PIK3CA: variants seen among roughly 807,000 people sequenced by gnomAD.
The protein encoded by PIK3CA is phosphatidylinositol-4,5-bisphosphate 3-kinase catalytic subunit alpha.
PIK3CA carries 27 observed loss-of-function variants against 138.2 expected under a neutral mutation model. That is an observed-to-expected ratio of 0.20 (90% CI 0.14 to 0.27). PIK3CA has a LOEUF of 0.27. Ranked by LOEUF, PIK3CA falls within the 10% of genes least tolerant of loss-of-function variation. The probability of loss-of-function intolerance (pLI) is 1.00; values close to 1 mark genes in which losing one functional copy is unlikely to be tolerated. For missense variants in PIK3CA, 544 were observed against 1,277.4 expected (o/e 0.43, Z 8.75); for synonymous variants, 358 against 413.2 (o/e 0.87, Z 1.62).
chr3:179,160,589 T>C (rs1307069501), intron 1 of PIK3CA, among the ~76,000 whole-genome samples: 1 of 152,238 alleles, frequency 6.6e-6, no homozygotes, highest in Non-Finnish European at 1.5e-5. Context: ...AACAAGAAAC[T>C]GTCATGTATT....
intron 15 of PIK3CA, 79 bp from the exon 16 acceptor site, chr3:179,224,621 A>T: frequency 1.1e-6 from 1 of 934,862 alleles, no homozygotes; most frequent in Non-Finnish European, 1.6e-6. Context: ...GCTATATTGT[A>T]TTTATATTTT....
At chr3:179,170,109 A>G (rs1175849543) in intron 1 of PIK3CA, among the ~76,000 whole-genome samples, 2 of 150,976 alleles carry the variant, frequency 1.3e-5, no homozygotes, top group Non-Finnish European at 2.9e-5. Context: ...CGACCTTAGT[A>G]AAATAGGGAT....
chr3:179,185,093 A>G (rs1218266583), intron 1 of PIK3CA, among the ~76,000 whole-genome samples: 11 of 152,214 alleles, frequency 7.2e-5, no homozygotes, highest in African/African-American at 2.4e-4. Flanking sequence ...ACTCTCACCC[A>G]TAGTAGTGGA....
intron 3 of PIK3CA, among the ~76,000 whole-genome samples, chr3:179,200,744 G>C (rs949958170): frequency 6.6e-6 from 1 of 152,038 alleles, no homozygotes; most frequent in African/African-American, 2.4e-5. Context: ...TTGTCTTCCC[G>C]TTTTCTTCAT....
intron 1 of PIK3CA, among the ~76,000 whole-genome samples, chr3:179,185,993 G>A (rs1462091052): frequency 1.3e-5 from 2 of 152,190 alleles, no homozygotes; most frequent in Non-Finnish European, 2.9e-5. Flanking sequence ...TCTCCTCTGA[G>A]GAGGTGGGTA....
chr3:179,232,806 C>A (rs1725242860), intron 20 of PIK3CA, among the ~76,000 whole-genome samples: 1 of 151,974 alleles, frequency 6.6e-6, no homozygotes. Context: ...TTTGTGTACA[C>A]TGATTTTGTA....
chr3:179,154,864 G>C (rs1337469712), intron 1 of PIK3CA, among the ~76,000 whole-genome samples: 1 of 152,112 alleles, frequency 6.6e-6, no homozygotes, highest in African/African-American at 2.4e-5. Context: ...ATTTATAAGA[G>C]GTTGTGTTTT....
rs537204875 is a variant in PIK3CA at position 179,239,311 on chromosome 3, T to G, written c.*4947T>G. On this transcript the variant is annotated 3_prime_UTR_variant, in exon 21 of 21. Coordinates refer to ENST00000263967, the MANE Select transcript of PIK3CA (RefSeq NM_006218.4). Reference sequence around the variant, plus strand: ...TAAGAACCATGTATACTTTTAGGTATTCTTATTTTTGTCAATTTTTCTAGG... The same window carrying G: ...TAAGAACCATGTATACTTTTAGGTAGTCTTATTTTTGTCAATTTTTCTAGG... 1 of 203,094 alleles carries G rather than the reference T, an allele frequency of 4.9e-6. No individual in the cohort carries two copies. The highest frequency in any genetic ancestry group is 7.5e-5 in the East Asian group (1 of 13,252). 12.6% of individuals were successfully genotyped at this position (203,094 alleles called of 1,614,324 possible).
intron 1 of PIK3CA, among the ~76,000 whole-genome samples, chr3:179,162,799 C>T (rs1723317976): frequency 6.6e-6 from 1 of 151,662 alleles, no homozygotes; most frequent in African/African-American, 2.4e-5. Context: ...ATGGGAAGTC[C>T]AGCAATTACA....
chr3:179,229,242 T>G (rs1725155852), intron 17 of PIK3CA, 30 bp from the exon 18 acceptor site: 1 of 1,560,414 alleles, frequency 6.4e-7, no homozygotes. Context: ...ATTCCATCAT[T>G]TAATTGTAAA....
intron 1 of PIK3CA, among the ~76,000 whole-genome samples, chr3:179,175,169 G>A (rs1227557648): frequency 1.3e-5 from 2 of 152,070 alleles, no homozygotes; most frequent in African/African-American, 4.8e-5. Context: ...TTATCCTCTC[G>A]TGGCATCTTG....
At chr3:179,185,457 A>G (rs1014865039) in intron 1 of PIK3CA, among the ~76,000 whole-genome samples, 1 of 152,208 alleles carries the variant, frequency 6.6e-6, no homozygotes, top group Admixed American at 6.5e-5. Flanking sequence ...CCCACCAACA[A>G]TCAGTCAGTT....
chr3:179,238,063 G>A lies in PIK3CA; in HGVS notation c.*3699G>A, dbSNP rs1725365251. The A allele has an allele frequency of 4.4e-6, 1 of 224,804 alleles. No individual in the cohort carries two copies. The highest frequency in any genetic ancestry group is 1.8e-4 in the South Asian group (1 of 5,446). 13.9% of individuals were successfully genotyped at this position (224,804 alleles called of 1,614,324 possible). ...TGTTTTTGAGAAGAGGGGAATGTGA[G>A]GGGAGGGGGCAGAACAGGGAGGAGT... On this transcript the variant is annotated 3_prime_UTR_variant, in exon 21 of 21. Transcript: ENST00000263967.
chr3:179,170,074 GCGCACA>G (rs769616728), intron 1 of PIK3CA, among the ~76,000 whole-genome samples: 5,413 of 119,944 alleles, frequency 0.045, 105 homozygotes, highest in Admixed American at 0.057. Flanking sequence ...ACACGCGCGC[GCGCACA>G]CACACACACA....
chr3:179,179,589 G>A (rs779627767), intron 1 of PIK3CA, among the ~76,000 whole-genome samples: 1 of 152,182 alleles, frequency 6.6e-6, no homozygotes, highest in Non-Finnish European at 1.5e-5. Flanking sequence ...TTACGTGGGT[G>A]TAAGAAGTTG....
chr3:179,232,193 T>A (rs541425923), intron 20 of PIK3CA, among the ~76,000 whole-genome samples: 1 of 152,246 alleles, frequency 6.6e-6, no homozygotes, highest in South Asian at 2.1e-4. Context: ...CCTAGGCCAG[T>A]GTTTAAAAGA....
intron 1 of PIK3CA, among the ~76,000 whole-genome samples, chr3:179,188,864 T>G (rs1442282053): frequency 6.6e-6 from 1 of 152,200 alleles, no homozygotes; most frequent in Non-Finnish European, 1.5e-5. Flanking sequence ...CATTTTGAGC[T>G]TATATTTTAA....
At chr3:179,180,943 T>C (rs1723826582) in intron 1 of PIK3CA, among the ~76,000 whole-genome samples, 1 of 152,164 alleles carries the variant, frequency 6.6e-6, no homozygotes, top group Admixed American at 6.5e-5. Flanking sequence ...TTTAGAATGT[T>C]CTCTGTGTAT....
chr3:179,170,982 G>A (rs1328557534), intron 1 of PIK3CA, among the ~76,000 whole-genome samples: 1 of 152,156 alleles, frequency 6.6e-6, no homozygotes, highest in African/African-American at 2.4e-5. Context: ...AACAACAGTA[G>A]AAAACACATT....
Sources: gnomAD v4.1 joint callset for allele counts (sites outside exome capture counted in the v4.1 genomes callset) on GRCh38, gnomAD v4.1.1 for gene constraint, MANE v1.5 for transcripts, NCBI Gene and HGNC (gene_info 2026-07-23, HGNC 2026-07-21) for gene names.